Variants in RCC1 observed in about 807,000 individuals in gnomAD.
The protein encoded by RCC1 is regulator of chromosome condensation.
In RCC1, 11 loss-of-function variants were observed where a neutral mutation model predicts 44.4. The observed-to-expected ratio is 0.25, with a 90% confidence interval of 0.16 to 0.41. RCC1 has a LOEUF of 0.41. Ranked by LOEUF, RCC1 falls within the 10% of genes least tolerant of loss-of-function variation. RCC1 has a pLI of 1.00. For missense variants in RCC1, 386 were observed against 547.1 expected, an observed-to-expected ratio of 0.71 and a Z score of 2.94; for synonymous variants, 213 against 216.5, an observed-to-expected ratio of 0.98 and a Z score of 0.14.
intron 3 of RCC1, among the ~76,000 whole-genome samples, chr1:28,514,778 C>CTTT (rs1662789352): frequency 6.6e-6 from 1 of 151,628 alleles, no homozygotes; most frequent in Admixed American, 6.6e-5. Context: ...AAAAAACAAT[C>CTTT]TTCCGGCTGG....
intron 7 of RCC1, 145 bp downstream of exon 7, chr1:28,532,495 GACTCTAGCTTCCTCATGT>G: frequency 1.2e-6 from 1 of 831,738 alleles, no homozygotes; most frequent in South Asian, 1.8e-5. Flanking sequence ...CCAGACCCAG[GACTCTAGCTTCCTCATGT>G]GGGCCTGTCC....
chr1:28,534,435 C>A (rs979310072), intron 7 of RCC1, among the ~76,000 whole-genome samples: 1 of 152,166 alleles, frequency 6.6e-6, no homozygotes, highest in Non-Finnish European at 1.5e-5. Context: ...CCGCCTTGGC[C>A]TCCCAAAGTG....
chr1:28,537,109 A>T (rs2124672172), intron 12 of RCC1, among the ~76,000 whole-genome samples: 1 of 152,260 alleles, frequency 6.6e-6, no homozygotes, highest in Middle Eastern at 3.4e-3. Context: ...GTGACTTATT[A>T]TGCAGAGGAG....
chr1:28,506,078 C>T lies in RCC1; in HGVS notation c.-268C>T, dbSNP rs1557862690. The stretch of plus-strand genomic sequence containing the variant: ...GACAGATTCGCAGTGGTCGCTTCTT[C>T]TCCTTGGTAAGTGTGATCCTTGGTA... On this transcript the variant is annotated 5_prime_UTR_variant, in exon 1 of 13. Transcript: ENST00000683442. 6.6e-6 allele frequency: 3 copies of T among 455,940 alleles called. No individual in the cohort carries two copies. The highest frequency in any genetic ancestry group is 1.3e-5 in the Non-Finnish European group (3 of 226,808). 28.2% of individuals were successfully genotyped at this position (455,940 alleles called of 1,614,324 possible).
At chr1:28,535,469 G>T (rs1664489139) in intron 9 of RCC1, 89 bp downstream of exon 9, 10 of 1,579,450 alleles carry the variant, frequency 6.3e-6, no homozygotes, top group Non-Finnish European at 8.6e-6. Flanking sequence ...CTGTGGTCAG[G>T]CTTGCATCAG....
At chr1:28,513,504 AATTTT>A (rs1318545486) in intron 3 of RCC1, among the ~76,000 whole-genome samples, 1 of 151,698 alleles carries the variant, frequency 6.6e-6, no homozygotes, top group African/African-American at 2.4e-5. Flanking sequence ...CTTATTTTAA[AATTTT>A]ATTTCTTGTA....
rs200123788 is a variant in RCC1 at position 28,529,039 on chromosome 1, T to A, written c.-9-819T>A. On this transcript the variant is annotated intron_variant, in intron 4 of 12. Coordinates refer to ENST00000683442, the MANE Select transcript of RCC1 (RefSeq NM_001381865.2). The stretch of plus-strand genomic sequence containing the variant: ...CACCATGCCTGGCTAATTTTTGTAT[T>A]TTTTTTTTTTTTTTTGGTGGCGACG... 4.4e-4 allele frequency among the ~76,000 whole-genome samples: 58 copies of A among 131,364 alleles called. No homozygotes were observed. In the East Asian group the frequency reaches 8.1e-3, roughly 18 times the overall value. The allele number at this position is 131,364 out of a possible 152,430, so 86.2% of individuals were successfully genotyped here.
At chr1:28,524,486 G>A (rs1663515581) in intron 4 of RCC1, among the ~76,000 whole-genome samples, 1 of 152,162 alleles carries the variant, frequency 6.6e-6, no homozygotes, top group African/African-American at 2.4e-5. Flanking sequence ...TTGAGTCCAT[G>A]AGTTCGAGGC....
intron 7 of RCC1, among the ~76,000 whole-genome samples, chr1:28,533,637 G>C (rs1231312388): frequency 2.0e-5 from 3 of 147,420 alleles, no homozygotes; most frequent in Non-Finnish European, 4.5e-5. Context: ...GGACATGGTG[G>C]TGCATGCCTG....
chr1:28,533,949 C>T (rs1358149787), intron 7 of RCC1, among the ~76,000 whole-genome samples: 12 of 127,272 alleles, frequency 9.4e-5, no homozygotes, highest in African/African-American at 3.5e-4. Context: ...ACAATCTCGG[C>T]TCAGTGCAAC....
At chr1:28,522,434 G>A (rs1038591284) in intron 4 of RCC1, among the ~76,000 whole-genome samples, 1 of 152,054 alleles carries the variant, frequency 6.6e-6, no homozygotes, top group Non-Finnish European at 1.5e-5. Context: ...TAAGAAATGT[G>A]GGCTTTATCT....
At chr1:28,527,186 G>A (rs555565680) in intron 4 of RCC1, 41 of 1,165,188 alleles carry the variant, frequency 3.5e-5, no homozygotes, top group South Asian at 6.5e-5. Flanking sequence ...CTCACATGCC[G>A]GGCAACTGAT....
In RCC1 at chr1:28,538,085, C is replaced by A; in HGVS notation, c.*78C>A. The A allele has an allele frequency of 7.3e-7, 1 of 1,365,764 alleles. No individual in the cohort carries two copies. 84.6% of individuals were successfully genotyped at this position (1,365,764 alleles called of 1,614,324 possible). ...GGGAAGCAGTGACAGCTGCAGATGG[C>A]AGCGGGCCTCTCCCCAGCCCTGAGC... On this transcript the variant is annotated 3_prime_UTR_variant, in exon 13 of 13. Coordinates refer to ENST00000683442, the MANE Select transcript of RCC1 (RefSeq NM_001381865.2).
rs1489478291 is a variant in RCC1 at position 28,532,734 on chromosome 1, T to C, written c.441+384T>C. On this transcript the variant is annotated intron_variant, in intron 7 of 12. Transcript: ENST00000683442. ...GGGCAAGGAGGTGTGGAGGCAGGGA[T>C]TGTCGCATCTCAGAGTTTCCAAGGT... The C allele has an allele frequency of 2.8e-5, 13 of 471,304 alleles. No individual in the cohort carries two copies. The East Asian group carries it at 4.5e-4, about 16-fold the overall frequency. The allele number at this position is 471,304 out of a possible 1,614,324, so 29.2% of individuals were successfully genotyped here.
intron 3 of RCC1, chr1:28,510,081 G>A (rs1662398287): frequency 6.6e-6 from 1 of 152,206 alleles, no homozygotes; most frequent in African/African-American, 2.4e-5. Flanking sequence ...TGAAGGATGG[G>A]ACTGAAGGGG....
chr1:28,523,587 A>G (rs1663439896), intron 4 of RCC1, among the ~76,000 whole-genome samples: 1 of 152,166 alleles, frequency 6.6e-6, no homozygotes, highest in African/African-American at 2.4e-5. Flanking sequence ...AACACTTCAT[A>G]TAGCCCTTAT....
intron 4 of RCC1, 88 bp from the exon 5 acceptor site, chr1:28,529,770 G>A (rs1663990683): frequency 2.4e-5 from 24 of 994,184 alleles, no homozygotes; most frequent in South Asian, 2.2e-4. Context: ...TCCTCTTAAC[G>A]TATTTCTAGA....
chr1:28,514,121 C>T (rs1001471138), intron 3 of RCC1, among the ~76,000 whole-genome samples: 1 of 150,034 alleles, frequency 6.7e-6, no homozygotes, highest in Non-Finnish European at 1.5e-5. Flanking sequence ...GAGCTGAGAT[C>T]GTGCCAGCCT....
At chr1:28,521,888 G>T (rs1344815003) in intron 4 of RCC1, among the ~76,000 whole-genome samples, 2 of 152,244 alleles carry the variant, frequency 1.3e-5, no homozygotes, top group Non-Finnish European at 1.5e-5. Flanking sequence ...GAATCAGTCA[G>T]ATAGGCCTGG....
Sources: allele counts gnomAD v4.1 joint callset (sites outside exome capture counted in the v4.1 genomes callset), GRCh38; gene constraint gnomAD v4.1.1; transcripts MANE v1.5; gene names NCBI Gene and HGNC (gene_info 2026-07-23, HGNC 2026-07-21).